The following TECPR1 variants were observed in gnomAD, a reference collection of about 807,000 sequenced individuals.
TECPR1 encodes tectonin beta-propeller repeat containing 1.
In TECPR1, 122 loss-of-function variants were observed where a neutral mutation model predicts 162.4. The observed-to-expected ratio is 0.75, with a 90% CI of 0.65 to 0.87. The LOEUF (loss-of-function observed/expected upper bound fraction) is 0.87. TECPR1 is among the 40% of genes least tolerant of loss of function. The probability of loss-of-function intolerance (pLI) is 0.00; values close to 1 mark genes in which losing one functional copy is unlikely to be tolerated. For synonymous variants in TECPR1, 642 were observed against 670.6 expected, an observed-to-expected ratio of 0.96 and a Z score of 0.66; for missense variants, 1,432 against 1,618.2, an observed-to-expected ratio of 0.88 and a Z score of 1.97.
rs922222542 is a variant in TECPR1 at position 98,252,197 on chromosome 7, C to T, written c.-246G>A. 1 of 152,546 alleles carries T rather than the reference C, an allele frequency of 6.6e-6. No homozygotes were observed. Among genetic ancestry groups the T allele is most frequent in the Non-Finnish European group, 1.5e-5 (1 of 68,284 alleles). The allele number at this position is 152,546 out of a possible 1,614,324, so 9.4% of individuals were successfully genotyped here. A position where few individuals can be genotyped will look rare whatever the true frequency, so the allele number is the denominator to read the frequency against. On this transcript the variant is annotated 5_prime_UTR_variant, in exon 1 of 26. Coordinates refer to ENST00000447648, the MANE Select transcript of TECPR1 (RefSeq NM_015395.3). ...CGTCCGGGAGGAGCGGACCGGCCCT[C>T]CCGGGGACCGGGCAAGAGGGTGGGC...
chr7:98,236,900 C>G lies in TECPR1; in HGVS notation c.1057G>C (p.Asp353His). 6.4e-7 allele frequency: 1 copy of G among 1,569,484 alleles called. No individual in the cohort carries two copies. The highest frequency in any genetic ancestry group is 1.4e-5 in the African/African-American group (1 of 73,574). Residue 353 changes from aspartate (D) to histidine (H), a missense_variant, in exon 10 of 26, where the codon GAC becomes CAC. Asp to His is a moderately conservative substitution (Grantham distance 81). Coordinates refer to ENST00000447648, the MANE Select transcript of TECPR1 (RefSeq NM_015395.3). Reference protein sequence around the residue: ...NDQVWGIGCEDRAVYFRQGVT... With the variant: ...NDQVWGIGCEHRAVYFRQGVT... ...CCCTGCCGGAAGTACACGGCTCGGTCCTCACAGCCAATGCCCCACACCTGG... is the reference window on the plus strand; with the variant it reads ...CCCTGCCGGAAGTACACGGCTCGGTGCTCACAGCCAATGCCCCACACCTGG...
At position 98,244,870 on chromosome 7, in the gene TECPR1, C is replaced by T. The variant is rs769176720; in HGVS notation, c.408+15G>A. The stretch of plus-strand genomic sequence containing the variant: ...TCCCCACAGGGCAGTCATGGAGGGT[C>T]CCAAGTTCACCTACCCCTTTCTCAG... On this transcript the variant is annotated intron_variant, in intron 4 of 25. Transcript: ENST00000447648. 4 of 1,612,512 alleles carry T rather than the reference C, an allele frequency of 2.5e-6. No homozygotes were observed. The highest frequency in any genetic ancestry group is 3.4e-6 in the Non-Finnish European group (4 of 1,179,710).
At chr7:98,217,880 G>A in intron 24 of TECPR1, 56 bp downstream of exon 24, 1 of 1,544,370 alleles carries the variant, frequency 6.5e-7, no homozygotes, top group Non-Finnish European at 8.8e-7. Context: ...GGATGGGGGA[G>A]ACCAGAGAGG....
intron 5 of TECPR1, among the ~76,000 whole-genome samples, chr7:98,243,932 G>A (rs779661394): frequency 6.6e-6 from 1 of 152,184 alleles, no homozygotes; most frequent in Non-Finnish European, 1.5e-5. Context: ...GCATGGTGGT[G>A]CATGCCTGTA....
At position 98,232,200 on chromosome 7, in the gene TECPR1, G is replaced by T. The variant is rs373075845; in HGVS notation, c.1819-241C>A. 2.6e-5 allele frequency among the ~76,000 whole-genome samples: 4 copies of T among 152,276 alleles called. No individual in the cohort carries two copies. Among genetic ancestry groups the T allele is most frequent in the African/African-American group, 7.2e-5 (3 of 41,558 alleles). On this transcript the variant is annotated intron_variant, in intron 12 of 25. Transcript: ENST00000447648. The surrounding 1 kb of genome is among the most constrained non-coding windows in gnomAD (Gnocchi z 4.6). ...TCCTCTCTCTCAAACAGCCAGAGTGGGCACTGCCATCCCGCCTTCTGCATG... is the reference window on the plus strand; with the variant it reads ...TCCTCTCTCTCAAACAGCCAGAGTGTGCACTGCCATCCCGCCTTCTGCATG...
chr7:98,238,735 G>A, intron 8 of TECPR1, 125 bp from the exon 9 acceptor site: 1 of 778,606 alleles, frequency 1.3e-6, no homozygotes, highest in Admixed American at 2.1e-5. Flanking sequence ...AATGAGCAGT[G>A]GTACATCATT....
At chr7:98,223,632 C>G in intron 20 of TECPR1, 30 bp downstream of exon 20, 2 of 1,612,906 alleles carry the variant, frequency 1.2e-6, no homozygotes, top group Non-Finnish European at 1.7e-6. Flanking sequence ...GGAGCCTGAC[C>G]GTGACAGTCA....
intron 15 of TECPR1, 69 bp downstream of exon 15, chr7:98,230,892 C>T: frequency 1.3e-6 from 2 of 1,547,766 alleles, no homozygotes; most frequent in Non-Finnish European, 1.7e-6. Context: ...CCTCTGGATC[C>T]CCCTTCTGTA....
intron 9 of TECPR1, among the ~76,000 whole-genome samples, chr7:98,238,242 C>CCCTG (rs2116600717): frequency 6.6e-6 from 1 of 152,328 alleles, no homozygotes; most frequent in African/African-American, 2.4e-5. Flanking sequence ...TGTCCCTTGG[C>CCCTG]CCTGGCAGGC....
At chr7:98,228,271 C>T (rs573415785) in intron 16 of TECPR1, among the ~76,000 whole-genome samples, 155 bp from the exon 17 acceptor site, 5 of 152,264 alleles carry the variant, frequency 3.3e-5, no homozygotes, top group Admixed American at 2.0e-4. Flanking sequence ...GCTTATCGCA[C>T]GGGGGTCGGC....
At chr7:98,224,909 AC>A (rs1196090608) in intron 18 of TECPR1, 29 bp from the exon 19 acceptor site, 2 of 1,553,340 alleles carry the variant, frequency 1.3e-6, no homozygotes, top group South Asian at 1.2e-5. Flanking sequence ...TGAGGATGGG[AC>A]CCCCCGAATC....
At position 98,217,384 on chromosome 7, in the gene TECPR1, G is replaced by GCA; in HGVS notation, c.*5_*6insTG. 6.5e-7 allele frequency: 1 copy of GCA among 1,541,000 alleles called. No homozygotes were observed. Among genetic ancestry groups the GCA allele is most frequent in the Non-Finnish European group, 8.8e-7 (1 of 1,132,940 alleles). ...CCGTCCCTGCATGTAGGTGTGTGGG[G>GCA]GGGCCTCAGCAGCAGACGGGGCCAT... On this transcript the variant is annotated 3_prime_UTR_variant, in exon 26 of 26. Transcript: ENST00000447648.
intron 6 of TECPR1, among the ~76,000 whole-genome samples, chr7:98,242,765 ATCCACCCACCCACC>A (rs1798787757): frequency 1.4e-5 from 1 of 72,008 alleles, no homozygotes; most frequent in Non-Finnish European, 2.5e-5. Context: ...CCACCCACCC[ATCCACCCACCCACC>A]CATCCATCCA....
In TECPR1 at chr7:98,241,714, G is replaced by T. The variant is rs1798754211; in HGVS notation, c.658-470C>A. 6.6e-6 allele frequency among the ~76,000 whole-genome samples: 1 copy of T among 152,178 alleles called. No homozygotes were observed. Among genetic ancestry groups the T allele is most frequent in the East Asian group, 1.9e-4 (1 of 5,192 alleles). ...ACTGTTTGGCTCATTTTAGCTGGGG[G>T]AGACTACATGTCACTTCGTGATCCA... is the stretch of plus-strand genomic sequence containing the variant. On this transcript the variant is annotated intron_variant, in intron 6 of 25. Coordinates refer to ENST00000447648, the MANE Select transcript of TECPR1 (RefSeq NM_015395.3). This position sits in a 1 kb window ranked among gnomAD's most constrained non-coding sequence, Gnocchi z 5.0.
rs562179058 is a variant in TECPR1, at chr7:98,222,754, T to G, written c.2929-233A>C. 1.4e-5 allele frequency: 11 copies of G among 780,524 alleles called. No homozygotes were observed. The East Asian group carries it at 2.7e-4, about 19-fold the overall frequency. 48.3% of individuals were successfully genotyped at this position (780,524 alleles called of 1,614,324 possible). A position where few individuals can be genotyped will look rare whatever the true frequency, so the allele number is the denominator to read the frequency against. ...CGTGGGCGTGTGCACCTCACCGGGGTGCTGACCACCAAGGACTGGGTGCCA... is the reference window on the plus strand; with the variant it reads ...CGTGGGCGTGTGCACCTCACCGGGGGGCTGACCACCAAGGACTGGGTGCCA... On this transcript the variant is annotated intron_variant, in intron 21 of 25. Coordinates refer to ENST00000447648, the MANE Select transcript of TECPR1 (RefSeq NM_015395.3).
Position 98,222,706 on chromosome 7 carries a change from C to T in TECPR1, c.2929-185G>A, listed in dbSNP as rs1220752852. On this transcript the variant is annotated intron_variant, in intron 21 of 25. Coordinates refer to ENST00000447648, the MANE Select transcript of TECPR1 (RefSeq NM_015395.3). ...TGAAATCCTGGGCGCATCTCATCCT[C>T]CTGCGAGCAGGGAAAGCGCCCCCGT... The T allele has an allele frequency of 8.1e-6, 7 of 869,014 alleles. No individual in the cohort carries two copies. In the East Asian group the frequency reaches 1.6e-4, roughly 19 times the overall value. 53.8% of individuals were successfully genotyped at this position (869,014 alleles called of 1,614,324 possible). A position where few individuals can be genotyped will look rare whatever the true frequency, so the allele number is the denominator to read the frequency against.
At position 98,231,262 on chromosome 7, in the gene TECPR1, G is replaced by T. The variant is rs755077077; in HGVS notation, c.2086C>A (p.Arg696Ser). 2 of 1,612,912 alleles carry T rather than the reference G, an allele frequency of 1.2e-6. No homozygotes were observed. Among genetic ancestry groups the T allele is most frequent in the Middle Eastern group, 1.6e-4 (1 of 6,062 alleles). The change falls in exon 14 of 26, where the codon CGT (arginine) becomes AGT (serine). Residue 696 changes from arginine to serine, a missense_variant. Physicochemically the swap from Arg to Ser is moderately radical, Grantham distance 110. Transcript: ENST00000447648. ...TCCTGCTCGGTGGCAGCAGCCAGAC[G>T]CACCGGCCACCTCTGCCGTGTCCGC... is the stretch of plus-strand genomic sequence containing the variant. ...PERTRQRWPV[R>S]LAAATEQDMN...
At chr7:98,240,724 C>CTT in intron 8 of TECPR1, 127 bp downstream of exon 8, 1 of 846,874 alleles carries the variant, frequency 1.2e-6, no homozygotes. Context: ...CTGGGTTTTT[C>CTT]TTTTTTTTTA....
At position 98,221,721 on chromosome 7, in the gene TECPR1, T is replaced by G. The variant is rs1487263307; in HGVS notation, c.3097A>C (p.Arg1033=). The stretch of plus-strand genomic sequence containing the variant: ...GCGGACACCTGCTTCAGCCTCTGTC[T>G]CGGTGGGGACGGGATGTGGTACCAG... ...DCWYHIPSPP[R]QRLKQVSAGQ... is the part of the protein sequence containing the mutation. The change falls in exon 23 of 26, where the codon AGA becomes CGA. Residue 1033 remains arginine, a synonymous_variant. Coordinates refer to ENST00000447648, the MANE Select transcript of TECPR1 (RefSeq NM_015395.3). 1 of 1,613,438 alleles carries G rather than the reference T, an allele frequency of 6.2e-7. No individual in the cohort carries two copies. The highest frequency in any genetic ancestry group is 8.5e-7 in the Non-Finnish European group (1 of 1,179,872).
Sources: allele counts gnomAD v4.1 joint callset (sites outside exome capture counted in the v4.1 genomes callset), GRCh38; gene constraint gnomAD v4.1.1; non-coding constraint Gnocchi (gnomAD v3.1); transcripts MANE v1.5; gene names NCBI Gene and HGNC (gene_info 2026-07-23, HGNC 2026-07-21).